NR3C2: variants seen among roughly 807,000 people sequenced by gnomAD.
NR3C2 encodes the protein mineralocorticoid receptor.
Under a neutral mutation model 86.4 loss-of-function variants are expected in NR3C2, and 15 were observed. The observed-to-expected ratio is 0.17, with a 90% CI of 0.12 to 0.27. The LOEUF is 0.27. NR3C2 is among the 10% of genes least tolerant of loss of function. The pLI is 1.00. For synonymous variants in NR3C2, 458 were observed against 450.5 expected (o/e 1.02, Z -0.21); for missense variants, 960 against 1,195.6 (o/e 0.80, Z 2.91).
chr4:148,137,103 T>A (rs1717313103), intron 6 of NR3C2, among the ~76,000 whole-genome samples: 1 of 152,170 alleles, frequency 6.6e-6, no homozygotes, highest in Non-Finnish European at 1.5e-5. Flanking sequence ...TACTACTCTT[T>A]TTTGAACACA....
intron 8 of NR3C2, among the ~76,000 whole-genome samples, chr4:148,104,342 G>GTTTGGTTTGGT (rs1553985382): frequency 1.6e-5 from 1 of 63,794 alleles, no homozygotes; most frequent in Admixed American, 1.6e-4. Flanking sequence ...TTTTGGTTTG[G>GTTTGGTTTGGT]TTTTTTTTTT....
At chr4:148,366,392 G>A (rs1006520264) in intron 2 of NR3C2, among the ~76,000 whole-genome samples, 12 of 1,550 alleles carry the variant, frequency 7.7e-3, no homozygotes, top group African/African-American at 0.044. Context: ...CCCATGTCAG[G>A]AGACTTCAAA....
intron 2 of NR3C2, among the ~76,000 whole-genome samples, chr4:148,382,061 G>C (rs1022438915): frequency 2.6e-5 from 4 of 152,196 alleles, no homozygotes; most frequent in Middle Eastern, 3.4e-3. Flanking sequence ...AAATTCACCG[G>C]TACGTAAAAG....
At chr4:148,138,119 T>C (rs1733433659) in intron 6 of NR3C2, among the ~76,000 whole-genome samples, 1 of 152,188 alleles carries the variant, frequency 6.6e-6, no homozygotes, top group South Asian at 2.1e-4. Context: ...ACACACTGTT[T>C]ACAAACTGCT....
chr4:148,279,156 C>T (rs1457295905), intron 2 of NR3C2, among the ~76,000 whole-genome samples: 3 of 152,068 alleles, frequency 2.0e-5, no homozygotes, highest in Non-Finnish European at 4.4e-5. Flanking sequence ...GTTCAAGACT[C>T]CGTCTCAATA....
intron 2 of NR3C2, among the ~76,000 whole-genome samples, chr4:148,316,443 G>T (rs1743179358): frequency 6.6e-6 from 1 of 152,068 alleles, no homozygotes; most frequent in South Asian, 2.1e-4. Context: ...CCCAGGTAAA[G>T]GTAGCTTTGA....
Position 148,092,651 on chromosome 4 carries a change from T to C in NR3C2, c.2800-11152A>G, listed in dbSNP as rs1304432596. Among the ~76,000 whole-genome samples the C allele has an allele frequency of 2.6e-5, 4 of 152,328 alleles. No individual in the cohort carries two copies. The East Asian group carries it at 7.7e-4, about 29-fold the overall frequency. On this transcript the variant is annotated intron_variant, in intron 8 of 8. Coordinates refer to ENST00000358102, the MANE Select transcript of NR3C2 (RefSeq NM_000901.5). ...GGCAACCTAAATGAGCATCTTCATTTTGTGGCACCAATATTGCAAAACTCA... is the reference window on the plus strand; with the variant it reads ...GGCAACCTAAATGAGCATCTTCATTCTGTGGCACCAATATTGCAAAACTCA...
chr4:148,134,797 C>T (rs375698248), intron 6 of NR3C2, among the ~76,000 whole-genome samples: 5 of 151,088 alleles, frequency 3.3e-5, no homozygotes, highest in African/African-American at 9.7e-5. Flanking sequence ...TACAGGTGTG[C>T]GCCACCTTGC....
intron 2 of NR3C2, among the ~76,000 whole-genome samples, chr4:148,350,606 CAA>C (rs1315360696): frequency 3.9e-5 from 6 of 152,090 alleles, no homozygotes; most frequent in Non-Finnish European, 8.8e-5. Context: ...TCCATTTTTA[CAA>C]AGTCACCATA....
Position 148,154,824 on chromosome 4 carries a change from G to A in NR3C2, c.2092C>T (p.Pro698Ser). The A allele has an allele frequency of 1.3e-6, 2 of 1,559,366 alleles. No individual in the cohort carries two copies. Among genetic ancestry groups the A allele is most frequent in the Non-Finnish European group, 1.7e-6 (2 of 1,151,348 alleles). Residue 698 changes from proline to serine, a missense_variant, in exon 5 of 9, where the codon CCC becomes TCC. Transcript: ENST00000358102. ...QPQQQQPPPPPPPPQSPEEGT... is the reference protein window; with the variant it reads ...QPQQQQPPPPSPPPQSPEEGT... The stretch of plus-strand genomic sequence containing the variant: ...TCCTCTGGGCTTTGCGGGGGTGGGG[G>A]TGGGGGTGGGGGCTGCTGCTGCTGT...
intron 8 of NR3C2, among the ~76,000 whole-genome samples, chr4:148,086,748 GACAAAAAAATAA>G (rs556582236): frequency 1.9e-4 from 29 of 151,926 alleles, no homozygotes; most frequent in African/African-American, 7.0e-4. Flanking sequence ...TCAAAAAACA[GACAAAAAAATAA>G]ACTAGGTATT....
chr4:148,426,862 C>T (rs1171064830), intron 2 of NR3C2, among the ~76,000 whole-genome samples: 2 of 152,166 alleles, frequency 1.3e-5, no homozygotes, highest in African/African-American at 4.8e-5. Flanking sequence ...AAGAATGTTT[C>T]CAATCATAGG....
chr4:148,156,855 C>T (rs557034511), intron 4 of NR3C2, among the ~76,000 whole-genome samples: 18 of 152,118 alleles, frequency 1.2e-4, no homozygotes, highest in South Asian at 2.1e-4. Flanking sequence ...CACATGCACA[C>T]GTATGTTTAT....
At chr4:148,391,946 A>G (rs1192627740) in intron 2 of NR3C2, among the ~76,000 whole-genome samples, 2 of 148,118 alleles carry the variant, frequency 1.4e-5, no homozygotes, top group African/African-American at 4.9e-5. Context: ...CATTACAAGT[A>G]ATAACGTAGT....
At chr4:148,355,910 C>A (rs1035957438) in intron 2 of NR3C2, among the ~76,000 whole-genome samples, 1 of 152,154 alleles carries the variant, frequency 6.6e-6, no homozygotes, top group Admixed American at 6.5e-5. Flanking sequence ...CCTTTCTGGG[C>A]CTGTCATTTC....
At chr4:148,171,326 G>A (rs1735114136) in intron 4 of NR3C2, among the ~76,000 whole-genome samples, 1 of 152,210 alleles carries the variant, frequency 6.6e-6, no homozygotes, top group African/African-American at 2.4e-5. Flanking sequence ...CCAGGTATGA[G>A]CTCTACAGAG....
chr4:148,119,928 T>C (rs1319296899), intron 7 of NR3C2, among the ~76,000 whole-genome samples: 1 of 152,190 alleles, frequency 6.6e-6, no homozygotes, highest in Non-Finnish European at 1.5e-5. Flanking sequence ...ACTGAGTGGT[T>C]GGATGGATGA....
At chr4:148,445,141 G>A (rs9992256), upstream of NR3C2, among the ~76,000 whole-genome samples, 64,846 of 151,620 alleles carry the variant, frequency 0.43, 16,149 homozygotes, top group East Asian at 0.76. Context: ...GGAAAACTGA[G>A]CCCAAATGCA....
chr4:148,301,628 T>A (rs1413879013), intron 2 of NR3C2, among the ~76,000 whole-genome samples: 1 of 152,234 alleles, frequency 6.6e-6, no homozygotes, highest in Non-Finnish European at 1.5e-5. Context: ...TGTTAAAGTG[T>A]TATAAAAGGT....
Sources: gnomAD v4.1 joint callset for allele counts (sites outside exome capture counted in the v4.1 genomes callset) on GRCh38, gnomAD v4.1.1 for gene constraint, MANE v1.5 for transcripts, NCBI Gene and HGNC (gene_info 2026-07-23, HGNC 2026-07-21) for gene names.